The following ANKS6 variants were observed in gnomAD, a reference collection of about 807,000 sequenced individuals.
ANKS6 encodes ankyrin repeat and SAM domain-containing protein 6.
ANKS6 carries 47 observed loss-of-function variants against 77.9 expected under a neutral mutation model. The ratio of observed to expected loss-of-function variants is 0.60; its 90% CI spans 0.48 to 0.77. ANKS6 has a LOEUF of 0.77. Ranked by LOEUF, ANKS6 falls within the 30% of genes least tolerant of loss-of-function variation. The pLI is 0.00. For missense variants in ANKS6, 1,150 were observed against 1,159.1 expected (o/e 0.99, Z 0.11); for synonymous variants, 488 against 501.7 (o/e 0.97, Z 0.37).
At chr9:98,738,154 C>T (rs1054493418) in intron 14 of ANKS6, among the ~76,000 whole-genome samples, 1 of 152,128 alleles carries the variant, frequency 6.6e-6, no homozygotes, top group Admixed American at 6.5e-5. Context: ...ATTGGAAAAA[C>T]CCTTCTATAC....
chr9:98,779,827 C>A (rs560862663), intron 6 of ANKS6, among the ~76,000 whole-genome samples: 4 of 152,186 alleles, frequency 2.6e-5, no homozygotes, highest in African/African-American at 9.6e-5. Flanking sequence ...CCATGCCCGG[C>A]TAATTTTTGT....
chr9:98,749,769 A>C (rs1832330327), intron 13 of ANKS6, among the ~76,000 whole-genome samples: 1 of 152,222 alleles, frequency 6.6e-6, no homozygotes, highest in South Asian at 2.1e-4. Flanking sequence ...GTAGAAAAGC[A>C]AACAGGAGGA....
Position 98,751,648 on chromosome 9 carries a change from G to C in ANKS6, c.2327-552C>G, listed in dbSNP as rs561256081. ...CACAAGGGCACAAGAAGATGATTTG[G>C]GGTGTCAGAACAGGGAGAATAAAGA... On this transcript the variant is annotated intron_variant, in intron 12 of 14. Coordinates refer to ENST00000353234, the MANE Select transcript of ANKS6 (RefSeq NM_173551.5). 7.9e-5 allele frequency among the ~76,000 whole-genome samples: 12 copies of C among 152,280 alleles called. No individual in the cohort carries two copies. In the South Asian group the frequency reaches 2.1e-3, roughly 26 times the overall value.
intron 9 of ANKS6, 48 bp from the exon 10 acceptor site, chr9:98,771,094 C>G (rs1833600464): frequency 6.9e-7 from 1 of 1,448,922 alleles, no homozygotes; most frequent in Admixed American, 2.4e-5. Flanking sequence ...GCTCCTCCCT[C>G]CAGCCGTGCA....
At chr9:98,760,591 C>T (rs1346193551) in intron 11 of ANKS6, among the ~76,000 whole-genome samples, 1 of 152,220 alleles carries the variant, frequency 6.6e-6, no homozygotes, top group Non-Finnish European at 1.5e-5. Context: ...TCACTGTTAT[C>T]ACATATCCCT....
At chr9:98,780,093 A>T in intron 6 of ANKS6, 96 bp downstream of exon 6, 1 of 1,537,592 alleles carries the variant, frequency 6.5e-7, no homozygotes, top group Non-Finnish European at 8.9e-7. Context: ...GGGACTCCCT[A>T]GCATAAACCA....
chr9:98,753,294 A>G (rs1832525624), intron 12 of ANKS6, among the ~76,000 whole-genome samples: 1 of 152,234 alleles, frequency 6.6e-6, no homozygotes, highest in Non-Finnish European at 1.5e-5. Context: ...TACATGAACA[A>G]GAAACATAAA....
At chr9:98,783,122 AGGGGAGGGGAGGGGAG>A (rs1352593739) in intron 4 of ANKS6, among the ~76,000 whole-genome samples, 4 of 87,162 alleles carry the variant, frequency 4.6e-5, no homozygotes, top group East Asian at 3.7e-4. Flanking sequence ...AGGAAAAGGA[AGGGGAGGGGAGGGGAG>A]GGGGAGGGGA....
intron 13 of ANKS6, among the ~76,000 whole-genome samples, chr9:98,749,251 C>A (rs1052684855): frequency 6.6e-6 from 1 of 152,206 alleles, no homozygotes. Context: ...TAACCTCACA[C>A]GAACCTAACA....
Position 98,736,636 on chromosome 9 carries a change from T to C in ANKS6, c.2512-13A>G, listed in dbSNP as rs1195002858. ...GTCTCTCGCGTCCCTGTGGAGGAAA[T>C]TGAAAACAGACACAGAAAGTCTTAT... On this transcript the variant is annotated splice_polypyrimidine_tract_variant and intron_variant, in intron 14 of 14. Coordinates refer to ENST00000353234, the MANE Select transcript of ANKS6 (RefSeq NM_173551.5). 6.9e-6 allele frequency: 11 copies of C among 1,594,818 alleles called. No homozygotes were observed. The highest frequency in any genetic ancestry group is 2.6e-6 in the Non-Finnish European group (3 of 1,170,112).
At chr9:98,746,387 T>C (rs147175744) in intron 13 of ANKS6, among the ~76,000 whole-genome samples, 6 of 152,084 alleles carry the variant, frequency 3.9e-5, no homozygotes, top group South Asian at 2.1e-4. Flanking sequence ...GGCATGGGGG[T>C]CCACACCTGG....
In ANKS6 at chr9:98,735,277, C is replaced by T. The variant is rs905844177; in HGVS notation, c.*1242G>A. The T allele has an allele frequency of 1.9e-5, 19 of 991,824 alleles. No individual in the cohort carries two copies. Among genetic ancestry groups the T allele is most frequent in the Non-Finnish European group, 2.3e-5 (19 of 834,518 alleles). 61.4% of individuals were successfully genotyped at this position (991,824 alleles called of 1,614,324 possible). A position where few individuals can be genotyped will look rare whatever the true frequency, so the allele number is the denominator to read the frequency against. On this transcript the variant is annotated 3_prime_UTR_variant, in exon 15 of 15. Transcript: ENST00000353234. The stretch of plus-strand genomic sequence containing the variant: ...CCATGCTGCCTCTCAATGTCGGGAC[C>T]ATCTATTTACAGGTGTTCTCTTGCC...
At chr9:98,748,147 C>A (rs568101102) in intron 13 of ANKS6, among the ~76,000 whole-genome samples, 2 of 152,230 alleles carry the variant, frequency 1.3e-5, no homozygotes, top group African/African-American at 4.8e-5. Flanking sequence ...CTGGCAGGGG[C>A]AGGGTCTCAA....
At chr9:98,793,527 G>C (rs1353818319) in intron 1 of ANKS6, among the ~76,000 whole-genome samples, 1 of 152,018 alleles carries the variant, frequency 6.6e-6, no homozygotes. Context: ...GTTTTGTTTT[G>C]TTCTGGTTTT....
intron 12 of ANKS6, 75 bp downstream of exon 12, chr9:98,756,345 C>T (rs1832697871): frequency 1.3e-6 from 2 of 1,507,648 alleles, no homozygotes; most frequent in Non-Finnish European, 1.8e-6. Context: ...CAATTAAGGT[C>T]ACCTTGCAGT....
chr9:98,781,971 T>C (rs1490542515), intron 5 of ANKS6, among the ~76,000 whole-genome samples: 1 of 151,248 alleles, frequency 6.6e-6, no homozygotes, highest in Non-Finnish European at 1.5e-5. Flanking sequence ...CAAAGGGGAG[T>C]AGCAGGTACC....
At chr9:98,795,838 T>A (rs1279316752) in intron 1 of ANKS6, among the ~76,000 whole-genome samples, 1 of 152,230 alleles carries the variant, frequency 6.6e-6, no homozygotes, top group Non-Finnish European at 1.5e-5. Context: ...AGGAAACTCT[T>A]ACTGCAATAA....
At position 98,776,710 on chromosome 9, in the gene ANKS6, T is replaced by C. The variant is rs1392319011; in HGVS notation, c.1617+695A>G. The stretch of plus-strand genomic sequence containing the variant: ...GCTACTGTGCGTGGCCCCAAGAAAC[T>C]TCCTTAAAGACAGCTGGCATGTGCC... On this transcript the variant is annotated intron_variant, in intron 8 of 14. Coordinates refer to ENST00000353234, the MANE Select transcript of ANKS6 (RefSeq NM_173551.5). 2.6e-5 allele frequency among the ~76,000 whole-genome samples: 4 copies of C among 152,222 alleles called. No individual in the cohort carries two copies. In the East Asian group the frequency reaches 7.7e-4, roughly 29 times the overall value.
At chr9:98,771,911 T>C (rs1833657479) in intron 9 of ANKS6, among the ~76,000 whole-genome samples, 1 of 152,172 alleles carries the variant, frequency 6.6e-6, no homozygotes, top group South Asian at 2.1e-4. Flanking sequence ...GAGTGTACAT[T>C]TACTGCGGTT....
Sources: gnomAD v4.1 joint callset for allele counts (sites outside exome capture counted in the v4.1 genomes callset) on GRCh38, gnomAD v4.1.1 for gene constraint, MANE v1.5 for transcripts, NCBI Gene and HGNC (gene_info 2026-07-23, HGNC 2026-07-21) for gene names.